CAPN10: variants seen among roughly 807,000 people sequenced by gnomAD.
The protein encoded by CAPN10 is calpain 10.
CAPN10 carries 71 observed loss-of-function variants against 78.4 expected under a neutral mutation model. That is an observed-to-expected ratio of 0.91 (90% confidence interval 0.75 to 1.10). The LOEUF (loss-of-function observed/expected upper bound fraction) is 1.10, where lower values mean the gene tolerates loss of function less well. Among genes scored for constraint, CAPN10 ranks in the 50% least tolerant of loss-of-function variants. The pLI, the probability that CAPN10 is intolerant of heterozygous loss-of-function variation, is 0.00. For synonymous variants in CAPN10, 437 were observed against 407.2 expected, an observed-to-expected ratio of 1.07 and a Z score of -0.88; for missense variants, 849 against 924.6, an observed-to-expected ratio of 0.92 and a Z score of 1.06.
At position 240,588,409 on chromosome 2, in the gene CAPN10, C is replaced by T. The variant is rs189837380; in HGVS notation, c.142-934C>T. On this transcript the variant is annotated intron_variant, in intron 1 of 11. Transcript: ENST00000391984. ...GAGGAACCCTAACATTTCTTGGGGT[C>T]AGGCAGGTGCCCTGACAGATAGACT... Among the ~76,000 whole-genome samples the T allele has an allele frequency of 3.5e-4, 53 of 152,246 alleles. 1 individual carries two copies. In the East Asian group the frequency reaches 0.01, roughly 29 times the overall value.
chr2:240,591,785 G>T, intron 3 of CAPN10, 148 bp from the exon 4 acceptor site: 1 of 675,890 alleles, frequency 1.5e-6, no homozygotes, highest in Non-Finnish European at 2.5e-6. Flanking sequence ...GCCTTGACTT[G>T]GTGAGGATGA....
chr2:240,597,059 C>A, intron 9 of CAPN10, 117 bp downstream of exon 9: 3 of 1,287,824 alleles, frequency 2.3e-6, no homozygotes, highest in Non-Finnish European at 3.3e-6. Flanking sequence ...GCTCCCCCTG[C>A]CCTTCGAGGC....
intron 5 of CAPN10, chr2:240,594,278 G>A (rs1223005779): frequency 2.6e-5 from 15 of 578,328 alleles, no homozygotes; most frequent in South Asian, 4.9e-5. Flanking sequence ...ACATCATCAC[G>A]GGCTCGGGCA....
In CAPN10 at chr2:240,589,599, G is replaced by C. The variant is rs113172458; in HGVS notation, c.273+125G>C. On this transcript the variant is annotated intron_variant, in intron 2 of 11. Transcript: ENST00000391984. The stretch of plus-strand genomic sequence containing the variant: ...CGCAGCCGGATCTCCTGCTGTGTTG[G>C]GGGAAGGCAGGAGAGTTCCAAGGCA... 22 of 1,228,462 alleles carry C rather than the reference G, an allele frequency of 1.8e-5. No homozygotes were observed. In the African/African-American group the frequency reaches 2.3e-4, roughly 13 times the overall value. 76.1% of individuals were successfully genotyped at this position (1,228,462 alleles called of 1,614,324 possible).
intron 2 of CAPN10, 131 bp from the exon 3 acceptor site, chr2:240,590,684 C>T (rs1468606481): frequency 1.3e-5 from 9 of 706,598 alleles, no homozygotes; most frequent in East Asian, 2.7e-5. Context: ...TCCAGGTGTG[C>T]GTTAGAGTTC....
intron 1 of CAPN10, among the ~76,000 whole-genome samples, chr2:240,587,491 C>G (rs2093076202): frequency 6.6e-6 from 1 of 152,258 alleles, no homozygotes; most frequent in African/African-American, 2.4e-5. Context: ...ATTTTGTGCA[C>G]CTGCCTTTCC....
intron 7 of CAPN10, chr2:240,596,033 G>C (rs897398837): frequency 4.7e-6 from 7 of 1,498,400 alleles, no homozygotes; most frequent in Non-Finnish European, 6.3e-6. Context: ...AAGGCCCACT[G>C]TCCAGCAGCC....
chr2:240,586,761 G>A lies in CAPN10; in HGVS notation c.-151G>A, dbSNP rs1202079042. The A allele has an allele frequency of 1.4e-6, 1 of 694,968 alleles. No homozygotes were observed. Among genetic ancestry groups the A allele is most frequent in the African/African-American group, 1.9e-5 (1 of 53,110 alleles). The allele number at this position is 694,968 out of a possible 1,614,324, so 43.1% of individuals were successfully genotyped here. On this transcript the variant is annotated 5_prime_UTR_variant, in exon 1 of 12. Transcript: ENST00000391984. ...ACTAGCGGGCCGGCGTACTGGCCTG[G>A]TCCAGCACCTGCGGGGCCCTCGGGC...
chr2:240,591,277 T>C (rs2093100308), intron 3 of CAPN10: 1 of 431,332 alleles, frequency 2.3e-6, no homozygotes, highest in South Asian at 4.3e-5. Flanking sequence ...ATGTGTGCCG[T>C]CCTCCTTATT....
At chr2:240,598,495 C>T (rs1207032138) in intron 11 of CAPN10, 98 bp downstream of exon 11, 68 of 1,485,192 alleles carry the variant, frequency 4.6e-5, no homozygotes, top group South Asian at 8.0e-5. Flanking sequence ...CTGCCTGGGA[C>T]GTGAGGTGCC....
At chr2:240,588,032 A>G (rs1169750025) in intron 1 of CAPN10, among the ~76,000 whole-genome samples, 1 of 152,092 alleles carries the variant, frequency 6.6e-6, no homozygotes, top group East Asian at 1.9e-4. Flanking sequence ...TTGGTTTGAG[A>G]CGTACCTTGC....
intron 10 of CAPN10, 130 bp downstream of exon 10, chr2:240,598,217 T>A: frequency 7.3e-7 from 1 of 1,375,920 alleles, no homozygotes; most frequent in Non-Finnish European, 1.0e-6. Context: ...AGACCAGGGC[T>A]GTCCTGCCTA....
At position 240,586,874 on chromosome 2, in the gene CAPN10, A is replaced by G. The variant is rs1215404495; in HGVS notation, c.-38A>G. Reference sequence around the variant, plus strand: ...CCTTCTCTCCGGGGCTGCGACCCCGAGGCAACCGGCTGCAGATGGGAGCCC... The same window carrying G: ...CCTTCTCTCCGGGGCTGCGACCCCGGGGCAACCGGCTGCAGATGGGAGCCC... On this transcript the variant is annotated 5_prime_UTR_variant, in exon 1 of 12. Transcript: ENST00000391984. The G allele has an allele frequency of 1.5e-6, 2 of 1,348,936 alleles. No homozygotes were observed. The highest frequency in any genetic ancestry group is 1.9e-6 in the Non-Finnish European group (2 of 1,054,626). The allele number at this position is 1,348,936 out of a possible 1,614,324, so 83.6% of individuals were successfully genotyped here.
At chr2:240,594,277 C>A in intron 5 of CAPN10, 1 of 577,488 alleles carries the variant, frequency 1.7e-6, no homozygotes, top group Non-Finnish European at 3.0e-6. Context: ...GACATCATCA[C>A]GGGCTCGGGC....
In CAPN10 at chr2:240,595,167, G is replaced by A. The variant is rs761598065; in HGVS notation, c.1141G>A (p.Val381Ile). The change falls in exon 7 of 12, where the codon GTC becomes ATC. Residue 381 changes from valine (V) to isoleucine (I), a missense_variant. Coordinates refer to ENST00000391984, the MANE Select transcript of CAPN10 (RefSeq NM_023083.4). Reference sequence around the variant, plus strand: ...AGAACCGAGTGAGGTGTACATTGCCGTCCTGCAGAGATCCAGGCTGCACGC... The same window carrying A: ...AGAACCGAGTGAGGTGTACATTGCCATCCTGCAGAGATCCAGGCTGCACGC... ...VSEPSEVYIA[V>I]LQRSRLHAAD... 4.3e-5 allele frequency: 70 copies of A among 1,613,756 alleles called. No homozygotes were observed. Among genetic ancestry groups the A allele is most frequent in the Middle Eastern group, 1.6e-4 (1 of 6,084 alleles).
intron 9 of CAPN10, 114 bp downstream of exon 9, chr2:240,597,056 C>A: frequency 2.2e-6 from 3 of 1,349,670 alleles, no homozygotes; most frequent in African/African-American, 1.4e-5. Context: ...TGGGCTCCCC[C>A]TGCCCTTCGA....
chr2:240,590,687 T>TA (rs2093095948), intron 2 of CAPN10, 128 bp from the exon 3 acceptor site: 1 of 741,080 alleles, frequency 1.3e-6, no homozygotes, highest in South Asian at 1.8e-5. Flanking sequence ...AGGTGTGCGT[T>TA]AGAGTTCTCT....
At chr2:240,589,039 C>G (rs768525619) in intron 1 of CAPN10, among the ~76,000 whole-genome samples, 1 of 152,074 alleles carries the variant, frequency 6.6e-6, no homozygotes, top group Non-Finnish European at 1.5e-5. Flanking sequence ...TGAGATTTAC[C>G]AGCATGAGTA....
In CAPN10 at chr2:240,598,711, CTG is replaced by C. The variant is rs1419773999; in HGVS notation, c.*32_*33del. The C allele has an allele frequency of 4.5e-6, 7 of 1,560,206 alleles. No homozygotes were observed. The South Asian group carries it at 8.2e-5, about 18-fold the overall frequency. ...TGGCCCCCTGTGCCAGCTCAGGTGA[CTG>C]GAGCCCGAGGGCCTGACAGGTTCCC... is the stretch of plus-strand genomic sequence containing the variant. On this transcript the variant is annotated 3_prime_UTR_variant, in exon 12 of 12. Transcript: ENST00000391984.
Sources: gnomAD v4.1 joint callset for allele counts (sites outside exome capture counted in the v4.1 genomes callset) on GRCh38, gnomAD v4.1.1 for gene constraint, MANE v1.5 for transcripts, NCBI Gene and HGNC (gene_info 2026-07-23, HGNC 2026-07-21) for gene names.